Variants in SLIT1 observed in about 807,000 individuals in gnomAD.
The protein encoded by SLIT1 is slit guidance ligand 1.
Under a neutral mutation model 186.1 loss-of-function variants are expected in SLIT1, and 66 were observed. The observed-to-expected ratio is 0.35, with a 90% CI of 0.29 to 0.44. The LOEUF (loss-of-function observed/expected upper bound fraction) is 0.44, where lower values mean the gene tolerates loss of function less well. Among genes scored for constraint, SLIT1 ranks in the 20% least tolerant of loss-of-function variants. The pLI, the probability that SLIT1 is intolerant of heterozygous loss-of-function variation, is 1.00. For missense variants in SLIT1, 1,638 were observed against 2,037.4 expected, an observed-to-expected ratio of 0.80 and a Z score of 3.77; for synonymous variants, 761 against 833.8, an observed-to-expected ratio of 0.91 and a Z score of 1.50.
rs1848967787 is a variant in SLIT1, at chr10:97,068,111, T to A, written c.414-2025A>T. ...CACCTAGGACAGTGCCTGGCCCACA[T>A]CAGCCACTCGCCAAGCATTTGTTGA... On this transcript the variant is annotated intron_variant, in intron 4 of 36. Coordinates refer to ENST00000266058, the MANE Select transcript of SLIT1 (RefSeq NM_003061.3). The surrounding 1 kb of genome is among the most constrained non-coding windows in gnomAD (Gnocchi z 4.2). Among the ~76,000 whole-genome samples the A allele has an allele frequency of 6.6e-6, 1 of 151,528 alleles. No homozygotes were observed. Among genetic ancestry groups the A allele is most frequent in the Non-Finnish European group, 1.5e-5 (1 of 68,026 alleles).
chr10:97,134,285 G>A (rs1849681008), intron 4 of SLIT1, among the ~76,000 whole-genome samples: 1 of 152,164 alleles, frequency 6.6e-6, no homozygotes, highest in Non-Finnish European at 1.5e-5. Flanking sequence ...GACTGAGGAG[G>A]TCTTGGGGAC....
chr10:97,081,824 A>T lies in SLIT1; in HGVS notation c.414-15738T>A, dbSNP rs766462437. Among the ~76,000 whole-genome samples the T allele has an allele frequency of 5.9e-5, 9 of 152,140 alleles. 1 individual carries two copies. The highest frequency in any genetic ancestry group is 1.2e-4 in the Non-Finnish European group (8 of 68,018). ...AACCACAAGGAGTCGCTGTCTGGGG[A>T]GCTGTCCGTGGTCCTGAATCCATCC... is the stretch of plus-strand genomic sequence containing the variant. On this transcript the variant is annotated intron_variant, in intron 4 of 36. Transcript: ENST00000266058.
At chr10:97,058,302 A>C (rs1231290816) in intron 11 of SLIT1, among the ~76,000 whole-genome samples, 1 of 152,146 alleles carries the variant, frequency 6.6e-6, no homozygotes, top group African/African-American at 2.4e-5. Context: ...GATGGGGTGT[A>C]CTGGAATCAT....
At position 97,185,837 on chromosome 10, in the gene SLIT1, G is replaced by T. The variant is rs1366237395; in HGVS notation, c.-163C>A. 1.0e-5 allele frequency: 6 copies of T among 577,146 alleles called. No homozygotes were observed. The highest frequency in any genetic ancestry group is 1.7e-5 in the Non-Finnish European group (6 of 358,218). The allele number at this position is 577,146 out of a possible 1,614,324, so 35.8% of individuals were successfully genotyped here. A position where few individuals can be genotyped will look rare whatever the true frequency, so the allele number is the denominator to read the frequency against. On this transcript the variant is annotated 5_prime_UTR_variant, in exon 1 of 37. Transcript: ENST00000266058. ...TGGGAGGCACCTTGCTCCTCCAAGC[G>T]ACGGCGCCTGTGCGCGGACGGAGGG...
chr10:97,141,682 G>GTATCA (rs1184968083), intron 4 of SLIT1, among the ~76,000 whole-genome samples: 3 of 67,222 alleles, frequency 4.5e-5, no homozygotes, highest in East Asian at 9.2e-4. Context: ...GTATCGTATT[G>GTATCA]TATCGTATCG....
At chr10:97,169,873 C>A (rs1220098689) in intron 1 of SLIT1, among the ~76,000 whole-genome samples, 1 of 152,240 alleles carries the variant, frequency 6.6e-6, no homozygotes, top group Non-Finnish European at 1.5e-5. Context: ...AAGCAACTTG[C>A]ATGGTGCCAC....
intron 22 of SLIT1, among the ~76,000 whole-genome samples, chr10:97,037,459 G>A (rs1201574131): frequency 2.6e-5 from 4 of 151,950 alleles, no homozygotes; most frequent in South Asian, 2.1e-4. Context: ...TTGGGGAGAC[G>A]GCGTGGGCAG....
rs550448662 is a variant in SLIT1, at chr10:97,116,394, G to A, written c.413+41424C>T. On this transcript the variant is annotated intron_variant, in intron 4 of 36. Coordinates refer to ENST00000266058, the MANE Select transcript of SLIT1 (RefSeq NM_003061.3). ...GGTTCTTCCTCCTTAGGGCCTGTCC[G>A]GAGCCCTGGGGTCAACACTGCTTTC... Among the ~76,000 whole-genome samples the A allele has an allele frequency of 4.3e-4, 65 of 152,238 alleles. 1 individual carries two copies. The highest frequency in any genetic ancestry group is 1.2e-3 in the South Asian group (6 of 4,824).
chr10:97,042,508 G>GCA (rs1400928489), intron 20 of SLIT1, among the ~76,000 whole-genome samples: 3 of 152,136 alleles, frequency 2.0e-5, no homozygotes, highest in Non-Finnish European at 4.4e-5. Flanking sequence ...GGGTTCCATT[G>GCA]CATATTAAGA....
intron 3 of SLIT1, among the ~76,000 whole-genome samples, chr10:97,161,339 C>G (rs892496039): frequency 6.6e-6 from 1 of 152,242 alleles, no homozygotes; most frequent in East Asian, 1.9e-4. Context: ...GACATCTGGT[C>G]TAGCTGTGGG....
intron 34 of SLIT1, among the ~76,000 whole-genome samples, chr10:97,003,768 C>T (rs140056839): frequency 6.6e-6 from 1 of 152,324 alleles, no homozygotes; most frequent in East Asian, 1.9e-4. Flanking sequence ...TTGAAAAGCC[C>T]CTTCTAGCCC....
chr10:97,043,635 G>A lies in SLIT1; in HGVS notation c.1854-122C>T. 3.0e-6 allele frequency: 3 copies of A among 998,694 alleles called. No individual in the cohort carries two copies. Among genetic ancestry groups the A allele is most frequent in the Non-Finnish European group, 4.5e-6 (3 of 673,910 alleles). The allele number at this position is 998,694 out of a possible 1,614,324, so 61.9% of individuals were successfully genotyped here. A position where few individuals can be genotyped will look rare whatever the true frequency, so the allele number is the denominator to read the frequency against. On this transcript the variant is annotated intron_variant, in intron 18 of 36. Transcript: ENST00000266058. This position sits in a 1 kb window ranked among gnomAD's most constrained non-coding sequence, Gnocchi z 7.0. ...TCTCCTCCATAGGCTGCGAGCCGCAGAGCCAGGAACACGCACCAGCCAGGC... is the reference window on the plus strand; with the variant it reads ...TCTCCTCCATAGGCTGCGAGCCGCAAAGCCAGGAACACGCACCAGCCAGGC...
chr10:97,081,815 T>C (rs1849108016), intron 4 of SLIT1, among the ~76,000 whole-genome samples: 2 of 152,216 alleles, frequency 1.3e-5, no homozygotes, highest in Non-Finnish European at 2.9e-5. Flanking sequence ...AAGGAGTCGC[T>C]GTCTGGGGAG....
rs563846419 is a variant in SLIT1, at chr10:97,016,032, C to T, written c.2970-1874G>A. 3.9e-5 allele frequency among the ~76,000 whole-genome samples: 6 copies of T among 152,242 alleles called. No homozygotes were observed. The East Asian group carries it at 7.7e-4, about 20-fold the overall frequency. On this transcript the variant is annotated intron_variant, in intron 28 of 36. Coordinates refer to ENST00000266058, the MANE Select transcript of SLIT1 (RefSeq NM_003061.3). The stretch of plus-strand genomic sequence containing the variant: ...TTTTAAAATGGTATCCAATTGGCCA[C>T]GTGGGGTGGCACATGCCTGTAATCC...
At chr10:97,112,369 C>T (rs1023786068) in intron 4 of SLIT1, among the ~76,000 whole-genome samples, 1 of 152,238 alleles carries the variant, frequency 6.6e-6, no homozygotes, top group South Asian at 2.1e-4. Flanking sequence ...GTTCTGAGCT[C>T]CCCTTTCCGC....
rs187711945 is a variant in SLIT1, at chr10:97,056,555, C to T, written c.1158-91G>A. Reference sequence around the variant, plus strand: ...GGGCACCTTCTTCAGTCCCGGCCTGCGTTATTACAGGGAGGAGCCCATCGG... The same window carrying T: ...GGGCACCTTCTTCAGTCCCGGCCTGTGTTATTACAGGGAGGAGCCCATCGG... On this transcript the variant is annotated intron_variant, in intron 12 of 36. Coordinates refer to ENST00000266058, the MANE Select transcript of SLIT1 (RefSeq NM_003061.3). 1.2e-5 allele frequency: 16 copies of T among 1,373,686 alleles called. No homozygotes were observed. In the East Asian group the frequency reaches 1.8e-4, roughly 16 times the overall value. 85.1% of individuals were successfully genotyped at this position (1,373,686 alleles called of 1,614,324 possible). A position where few individuals can be genotyped will look rare whatever the true frequency, so the allele number is the denominator to read the frequency against.
chr10:97,056,760 T>C (rs1339115756), intron 12 of SLIT1, among the ~76,000 whole-genome samples: 1 of 128,388 alleles, frequency 7.8e-6, no homozygotes, highest in African/African-American at 3.5e-5. Flanking sequence ...GAAGGCATTT[T>C]TGGGGGGGGC....
At chr10:97,135,098 GA>G (rs372583302) in intron 4 of SLIT1, among the ~76,000 whole-genome samples, 84 of 152,306 alleles carry the variant, frequency 5.5e-4, no homozygotes, top group Non-Finnish European at 9.9e-4. Flanking sequence ...TCTGACGTAG[GA>G]AAAGCCAGAG....
At chr10:97,099,819 T>A (rs1849332416) in intron 4 of SLIT1, among the ~76,000 whole-genome samples, 1 of 152,080 alleles carries the variant, frequency 6.6e-6, no homozygotes, top group Non-Finnish European at 1.5e-5. Flanking sequence ...TACCATGAAA[T>A]GGAATTTATA....
Sources: gnomAD v4.1 joint callset for allele counts (sites outside exome capture counted in the v4.1 genomes callset) on GRCh38, gnomAD v4.1.1 for gene constraint, Gnocchi (gnomAD v3.1) non-coding constraint, MANE v1.5 for transcripts, NCBI Gene and HGNC (gene_info 2026-07-23, HGNC 2026-07-21) for gene names.